Variants in LYST observed in about 807,000 individuals in gnomAD.
LYST encodes the protein lysosomal-trafficking regulator.
In LYST, 192 loss-of-function variants were observed where a neutral mutation model predicts 413.6. That is an observed-to-expected ratio of 0.46 (90% CI 0.41 to 0.52). The LOEUF (loss-of-function observed/expected upper bound fraction) is 0.52, where lower values mean the gene tolerates loss of function less well. Ranked by LOEUF, LYST falls within the 20% of genes least tolerant of loss-of-function variation. LYST has a pLI of 0.00. For missense variants in LYST, 3,815 were observed against 4,499.9 expected, an observed-to-expected ratio of 0.85 and a Z score of 4.35; for synonymous variants, 1,525 against 1,567.3, an observed-to-expected ratio of 0.97 and a Z score of 0.64.
At position 235,702,755 on chromosome 1, in the gene LYST, T is replaced by C. The variant is rs1192670699; in HGVS notation, c.10366A>G (p.Thr3456Ala). 4.3e-6 allele frequency: 7 copies of C among 1,613,778 alleles called. No individual in the cohort carries two copies. In the Admixed American group the frequency reaches 1.0e-4, roughly 23 times the overall value. ...RETREQVKEITYPSPLSWIKG... is the reference protein window; with the variant it reads ...RETREQVKEIAYPSPLSWIKG... ...AAATCCAAATGACATACCGGATAGGTGATTTCTTTGACCTGTTCTCGGGTC... is the reference window on the plus strand; with the variant it reads ...AAATCCAAATGACATACCGGATAGGCGATTTCTTTGACCTGTTCTCGGGTC... Residue 3456 changes from threonine (T) to alanine (A), a missense_variant, in exon 45 of 53, where the codon ACC becomes GCC. Thr to Ala is a moderately conservative substitution (Grantham distance 58). This residue lies in a region of LYST where 866 missense variants were observed against 1,156.0 expected (regional missense o/e 0.75). Transcript: ENST00000389793.
intron 12 of LYST, 185 bp downstream of exon 12, chr1:235,791,514 T>C (rs907194603): frequency 1.1e-5 from 7 of 610,228 alleles, no homozygotes; most frequent in African/African-American, 7.4e-5. Context: ...GTTTCCGTAA[T>C]AGAGATTCAA....
At chr1:235,762,994 C>A (rs1439591702) in intron 21 of LYST, 143 bp from the exon 22 acceptor site, 1 of 662,142 alleles carries the variant, frequency 1.5e-6, no homozygotes, top group Non-Finnish European at 2.7e-6. Context: ...TATATTAAGG[C>A]ACACGATATG....
chr1:235,766,605 C>T (rs187314331), intron 20 of LYST, among the ~76,000 whole-genome samples: 1 of 152,140 alleles, frequency 6.6e-6, no homozygotes, highest in Non-Finnish European at 1.5e-5. Context: ...CACTCACTAG[C>T]CATGTGATCT....
In LYST at chr1:235,808,491, A is replaced by C. The variant is rs1306926847; in HGVS notation, c.2327T>G (p.Ile776Ser). The C allele has an allele frequency of 1.9e-6, 3 of 1,613,780 alleles. No homozygotes were observed. The highest frequency in any genetic ancestry group is 3.3e-4 in the Middle Eastern group (2 of 6,082). ...CAGGATAGGCAGAGTTTTTACATAA[A>C]TCTGAAGCACGTCCTGAGGCAAGCA... ...NQCLPQDVLQ[I>S]YVKTLPILLK... The change falls in exon 5 of 53, where the codon ATT (isoleucine) becomes AGT (serine). Residue 776 changes from isoleucine to serine, a missense_variant. Around this residue, in one of 4 missense-constraint regions of LYST, gnomAD observed 1,648 missense variants for 1,810.3 expected, o/e 0.91. Transcript: ENST00000389793.
chr1:235,734,465 A>G lies in LYST; in HGVS notation c.8535+18T>C. The G allele has an allele frequency of 6.2e-7, 1 of 1,604,104 alleles. No homozygotes were observed. The highest frequency in any genetic ancestry group is 2.2e-5 in the East Asian group (1 of 44,770). On this transcript the variant is annotated intron_variant, in intron 32 of 52. Transcript: ENST00000389793. ...TGATGGAATCTCCTAAGAAAGTACT[A>G]TGGTTTCATTGACTCACCTCTTTGA...
chr1:235,846,672 A>AG (rs1425350089), intron 1 of LYST, among the ~76,000 whole-genome samples: 2 of 152,172 alleles, frequency 1.3e-5, no homozygotes, highest in African/African-American at 4.8e-5. Flanking sequence ...GATAGCATAA[A>AG]GAAAAAAAAC....
chr1:235,673,931 C>T (rs765106887), intron 50 of LYST, among the ~76,000 whole-genome samples: 19 of 152,170 alleles, frequency 1.2e-4, no homozygotes, highest in African/African-American at 1.9e-4. Context: ...GCGATTGTTG[C>T]GCTTTTGCAA....
At chr1:235,772,330 A>G (rs1668791805) in intron 19 of LYST, among the ~76,000 whole-genome samples, 1 of 152,166 alleles carries the variant, frequency 6.6e-6, no homozygotes, top group Admixed American at 6.5e-5. Context: ...AAAAAATTCT[A>G]AAGGTATATA....
chr1:235,755,718 C>A, intron 24 of LYST, 71 bp from the exon 25 acceptor site: 1 of 831,160 alleles, frequency 1.2e-6, no homozygotes, highest in South Asian at 1.4e-5. Context: ...ATCAGTGTAA[C>A]ACAACTGTAT....
At chr1:235,867,092 A>G (rs1364660180), upstream of LYST, among the ~76,000 whole-genome samples, 3 of 152,146 alleles carry the variant, frequency 2.0e-5, no homozygotes, top group Non-Finnish European at 2.9e-5. Context: ...CGCAGGCGTG[A>G]CGCGTGGAAC....
chr1:235,670,081 T>C (rs1558099439), intron 50 of LYST, among the ~76,000 whole-genome samples: 1 of 152,284 alleles, frequency 6.6e-6, no homozygotes, highest in East Asian at 1.9e-4. Context: ...CTTGCTTAAT[T>C]TGTAATTAGC....
intron 2 of LYST, among the ~76,000 whole-genome samples, chr1:235,832,928 C>T (rs749238804): frequency 2.6e-5 from 4 of 152,070 alleles, no homozygotes; most frequent in African/African-American, 7.2e-5. Context: ...ATATAGTAGG[C>T]ACATAGGAAG....
intron 1 of LYST, 140 bp downstream of exon 1, chr1:235,866,703 G>T (rs1384435083): frequency 6.7e-6 from 1 of 148,508 alleles, no homozygotes; most frequent in Non-Finnish European, 1.5e-5. Context: ...TCGCGCCCTC[G>T]CGCCCTCAGC....
At chr1:235,877,166 A>G (rs1681173669) in intron 1 of LYST, among the ~76,000 whole-genome samples, 1 of 152,228 alleles carries the variant, frequency 6.6e-6, no homozygotes, top group Non-Finnish European at 1.5e-5. Context: ...TGCTATCCAT[A>G]TAACCGAGTG....
intron 39 of LYST, among the ~76,000 whole-genome samples, chr1:235,723,580 CAAAG>C (rs1663585647): frequency 6.6e-6 from 1 of 152,074 alleles, no homozygotes; most frequent in Non-Finnish European, 1.5e-5. Flanking sequence ...AAAATGGGGA[CAAAG>C]AAAGATTATG....
intron 1 of LYST, among the ~76,000 whole-genome samples, chr1:235,834,633 T>C (rs1416195157): frequency 6.6e-6 from 1 of 152,196 alleles, no homozygotes; most frequent in African/African-American, 2.4e-5. Context: ...CACACATTAT[T>C]CTAGGCACTT....
At chr1:235,816,470 TA>T (rs199654567) in intron 3 of LYST, among the ~76,000 whole-genome samples, 37 of 138,416 alleles carry the variant, frequency 2.7e-4, no homozygotes, top group South Asian at 1.1e-3. Context: ...AAAATAAAAA[TA>T]AAAAAAAAAA....
At chr1:235,721,982 G>A (rs1663410511) in intron 39 of LYST, among the ~76,000 whole-genome samples, 1 of 152,204 alleles carries the variant, frequency 6.6e-6, no homozygotes, top group African/African-American at 2.4e-5. Context: ...GCTTGGTGGA[G>A]AGGGAGGGGT....
chr1:235,809,671 G>A lies in LYST; in HGVS notation c.1147C>T (p.Gln383Ter). 1 of 1,613,834 alleles carries A rather than the reference G, an allele frequency of 6.2e-7. No homozygotes were observed. The change falls in exon 5 of 53, where the codon CAG becomes TAG. Residue 383 changes from glutamine to a stop codon, truncating the protein, a stop_gained. Coordinates refer to ENST00000389793, the MANE Select transcript of LYST (RefSeq NM_000081.4). LOFTEE classifies it high-confidence loss of function. The surrounding 1 kb of genome is among the most constrained non-coding windows in gnomAD (Gnocchi z 4.0). ...PFAPRQKKTL[Q>*]EVQEDFVFSK... ...AACACAAAATCTTCCTGAACCTCCT[G>A]CAGTGTTTTCTTTTGTCTTGGTGCA...
Sources: gnomAD v4.1 joint callset for allele counts (sites outside exome capture counted in the v4.1 genomes callset) on GRCh38, gnomAD v4.1.1 for gene constraint, gnomAD v4.1.1 regional missense constraint, Gnocchi (gnomAD v3.1) non-coding constraint, MANE v1.5 for transcripts, NCBI Gene and HGNC (gene_info 2026-07-23, HGNC 2026-07-21) for gene names.